The following PIK3R1 variants were observed in gnomAD, a reference collection of about 807,000 sequenced individuals.
PIK3R1 encodes phosphatidylinositol 3-kinase regulatory subunit alpha.
In PIK3R1, 29 loss-of-function variants were observed where a neutral mutation model predicts 98.0. The ratio of observed to expected loss-of-function variants is 0.30; its 90% confidence interval spans 0.22 to 0.40. PIK3R1 has a LOEUF of 0.40. PIK3R1 is among the 10% of genes least tolerant of loss of function. The pLI is 1.00. For synonymous variants in PIK3R1, 282 were observed against 311.8 expected, an observed-to-expected ratio of 0.90 and a Z score of 1.01; for missense variants, 596 against 872.7, an observed-to-expected ratio of 0.68 and a Z score of 3.99.
intron 2 of PIK3R1, among the ~76,000 whole-genome samples, chr5:68,228,515 C>T (rs1430280717): frequency 1.3e-5 from 2 of 152,172 alleles, no homozygotes; most frequent in Admixed American, 1.3e-4. Context: ...CCATGACTCT[C>T]CGCACATACA....
At position 68,261,344 on chromosome 5, in the gene PIK3R1, T is replaced by C. The variant is rs191678922; in HGVS notation, c.335-12046T>C. Among the ~76,000 whole-genome samples the C allele has an allele frequency of 2.5e-3, 376 of 152,288 alleles. 3 individuals carry two copies. The highest frequency in any genetic ancestry group is 1.9e-3 in the Non-Finnish European group (130 of 68,014). On this transcript the variant is annotated intron_variant, in intron 2 of 15. Transcript: ENST00000521381. ...CAGTGAGGCCTGGAGACATTAAATG[T>C]TTTGCCCAAAGTTACCAACATGTTG...
intron 7 of PIK3R1, among the ~76,000 whole-genome samples, chr5:68,283,769 G>A (rs777105816): frequency 3.9e-5 from 6 of 152,280 alleles, no homozygotes; most frequent in Middle Eastern, 3.4e-3. Context: ...GGCCCAAACC[G>A]GGTCTGCCCA....
chr5:68,286,811 T>A (rs919604968), intron 7 of PIK3R1, among the ~76,000 whole-genome samples: 3 of 152,222 alleles, frequency 2.0e-5, no homozygotes, highest in African/African-American at 7.2e-5. Context: ...ATCATGTGAA[T>A]CCAGACAGGT....
intron 2 of PIK3R1, among the ~76,000 whole-genome samples, chr5:68,262,695 A>ACATGTAGATG (rs1160032823): frequency 3.3e-4 from 11 of 33,546 alleles, no homozygotes; most frequent in African/African-American, 1.2e-3. Context: ...GCATGTATAC[A>ACATGTAGATG]CATGTAGATG....
At chr5:68,262,240 G>C (rs34301) in intron 2 of PIK3R1, among the ~76,000 whole-genome samples, 132,955 of 151,632 alleles carry the variant, frequency 0.88, 58,711 homozygotes, top group African/African-American at 0.97. Flanking sequence ...CCAGTTAGCT[G>C]TAGTCTATAT....
chr5:68,235,265 T>A (rs994880535), intron 2 of PIK3R1, among the ~76,000 whole-genome samples: 8 of 151,868 alleles, frequency 5.3e-5, no homozygotes, highest in African/African-American at 1.9e-4. Flanking sequence ...TAGCTGGGTG[T>A]GATGGTGCAT....
At chr5:68,217,653 T>TGTGTGTGCGCGCGCGC (rs1386976488) in intron 1 of PIK3R1, 3 of 149,294 alleles carry the variant, frequency 2.0e-5, no homozygotes, top group African/African-American at 7.5e-5. Flanking sequence ...TGTGTGTGTG[T>TGTGTGTGCGCGCGCGC]GCGCGCGCGT....
intron 2 of PIK3R1, among the ~76,000 whole-genome samples, chr5:68,250,936 A>G (rs1745283556): frequency 6.6e-6 from 1 of 152,230 alleles, no homozygotes; most frequent in African/African-American, 2.4e-5. Context: ...CCTAATTCAT[A>G]TCCTTCAGAA....
At chr5:68,263,228 T>G (rs568373183) in intron 2 of PIK3R1, among the ~76,000 whole-genome samples, 2 of 138,308 alleles carry the variant, frequency 1.4e-5, no homozygotes, top group Admixed American at 1.4e-4. Flanking sequence ...TACATATATA[T>G]CTATATATGT....
intron 2 of PIK3R1, among the ~76,000 whole-genome samples, chr5:68,246,343 T>G (rs1245624077): frequency 6.6e-6 from 1 of 151,722 alleles, no homozygotes; most frequent in Non-Finnish European, 1.5e-5. Flanking sequence ...AGACAGAGTT[T>G]TACTCGTCGC....
Position 68,226,708 on chromosome 5 carries a change from G to A in PIK3R1, c.33G>A (p.Leu11=), listed in dbSNP as rs372754626. 1.7e-5 allele frequency: 27 copies of A among 1,613,864 alleles called. No individual in the cohort carries two copies. Among genetic ancestry groups the A allele is most frequent in the African/African-American group, 4.0e-5 (3 of 74,918 alleles). MSAEGYQYRA[L]YDYKKEREED... ...CTGAGGGGTACCAGTACAGAGCGCT[G>A]TATGATTATAAAAAGGAAAGAGAAG... Residue 11 remains leucine, a synonymous_variant, in exon 2 of 16, where the codon CTG becomes CTA. Transcript: ENST00000521381.
intron 2 of PIK3R1, among the ~76,000 whole-genome samples, chr5:68,238,149 G>A (rs779859932): frequency 2.2e-4 from 34 of 152,246 alleles, no homozygotes; most frequent in Non-Finnish European, 4.0e-4. Flanking sequence ...CAGAAAGTCA[G>A]GCGGTGAACG....
At chr5:68,294,380 A>G (rs931437113) in intron 11 of PIK3R1, among the ~76,000 whole-genome samples, 156 bp from the exon 12 acceptor site, 2 of 152,252 alleles carry the variant, frequency 1.3e-5, no homozygotes, top group Admixed American at 6.5e-5. Context: ...AAAATTCTCC[A>G]GAGGAAATAC....
chr5:68,244,486 G>A (rs1399618208), intron 2 of PIK3R1, among the ~76,000 whole-genome samples: 1 of 105,830 alleles, frequency 9.4e-6, no homozygotes, highest in Non-Finnish European at 1.8e-5. Flanking sequence ...ATGAAGATGA[G>A]TTTTAGGGCC....
intron 2 of PIK3R1, among the ~76,000 whole-genome samples, chr5:68,245,330 T>A (rs1298127634): frequency 6.6e-6 from 1 of 151,928 alleles, no homozygotes; most frequent in Admixed American, 6.6e-5. Context: ...TAAAAAAAAA[T>A]AGTTGAGTTT....
chr5:68,264,122 C>T (rs1030286954), intron 2 of PIK3R1, among the ~76,000 whole-genome samples: 3 of 152,098 alleles, frequency 2.0e-5, no homozygotes, highest in Admixed American at 1.3e-4. Flanking sequence ...CTTTGTTTAG[C>T]TTTATGAGAA....
At position 68,291,475 on chromosome 5, in the gene PIK3R1, C is replaced by T. The variant is rs374769236; in HGVS notation, c.917-784C>T. ...AAAAATCCTAGATTTATTTTGTTTCCTAAGTAAGTTGTTTTATTCCAATGT... is the reference window on the plus strand; with the variant it reads ...AAAAATCCTAGATTTATTTTGTTTCTTAAGTAAGTTGTTTTATTCCAATGT... On this transcript the variant is annotated intron_variant, in intron 7 of 15. Coordinates refer to ENST00000521381, the MANE Select transcript of PIK3R1 (RefSeq NM_181523.3). The T allele has an allele frequency of 2.0e-5, 3 of 149,988 alleles. No individual in the cohort carries two copies. The East Asian group carries it at 5.8e-4, about 29-fold the overall frequency. The allele number at this position is 149,988 out of a possible 1,614,324, so 9.3% of individuals were successfully genotyped here.
chr5:68,297,322 C>A, intron 15 of PIK3R1, 90 bp from the exon 16 acceptor site: 1 of 1,139,266 alleles, frequency 8.8e-7, no homozygotes. Context: ...GTTGAGACTG[C>A]ACAATAATGC....
chr5:68,247,571 C>T (rs1211712238), intron 2 of PIK3R1, among the ~76,000 whole-genome samples: 3 of 147,852 alleles, frequency 2.0e-5, no homozygotes, highest in Non-Finnish European at 4.5e-5. Context: ...AGCCACTGCA[C>T]GTGGCCTTTT....
Sources: gnomAD v4.1 joint callset for allele counts (sites outside exome capture counted in the v4.1 genomes callset) on GRCh38, gnomAD v4.1.1 for gene constraint, MANE v1.5 for transcripts, NCBI Gene and HGNC (gene_info 2026-07-23, HGNC 2026-07-21) for gene names.